The following SPAG9 variants were observed in gnomAD, a reference collection of about 807,000 sequenced individuals.
SPAG9 encodes the protein C-Jun-amino-terminal kinase-interacting protein 4.
Under a neutral mutation model 166.5 loss-of-function variants are expected in SPAG9, and 35 were observed. The observed-to-expected ratio is 0.21, with a 90% CI of 0.16 to 0.28. The LOEUF (loss-of-function observed/expected upper bound fraction) is 0.28. Ranked by LOEUF, SPAG9 falls within the 10% of genes least tolerant of loss-of-function variation. The pLI, the probability that SPAG9 is intolerant of heterozygous loss-of-function variation, is 1.00. For missense variants in SPAG9, 1,235 were observed against 1,603.3 expected (o/e 0.77, Z 3.92); for synonymous variants, 534 against 565.5 (o/e 0.94, Z 0.79).
At position 50,984,643 on chromosome 17, in the gene SPAG9, G is replaced by A. The variant is rs545205484; in HGVS notation, c.3088+280C>T. On this transcript the variant is annotated intron_variant, in intron 24 of 29. Transcript: ENST00000262013. ...GGAGCTTGCAGTGAGCTGAGATTGC[G>A]CCACTGCACTCCAGCCTGGGCGACA... 2.2e-4 allele frequency among the ~76,000 whole-genome samples: 33 copies of A among 152,170 alleles called. No homozygotes were observed. In the East Asian group the frequency reaches 2.5e-3, roughly 12 times the overall value.
rs148739952 is a variant in SPAG9 at position 50,978,178 on chromosome 17, C to A, written c.3410-957G>T. 4.0e-3 allele frequency among the ~76,000 whole-genome samples: 604 copies of A among 152,242 alleles called. 4 individuals are homozygous for A. The highest frequency in any genetic ancestry group is 0.013 in the African/African-American group (560 of 41,546). On this transcript the variant is annotated intron_variant, in intron 26 of 29. Coordinates refer to ENST00000262013, the MANE Select transcript of SPAG9 (RefSeq NM_001130528.3). ...GAGCAGGTAATACATTTAAGAAAGA[C>A]AACACTAGTACTCATAAGTTCTACT... is the stretch of plus-strand genomic sequence containing the variant.
At chr17:51,025,316 CAAAAAAAAAA>C (rs10549685) in intron 6 of SPAG9, among the ~76,000 whole-genome samples, 46 of 61,124 alleles carry the variant, frequency 7.5e-4, no homozygotes, top group Middle Eastern at 0.014. Context: ...GACTCTGTCT[CAAAAAAAAAA>C]AAAAAAAAAA....
At chr17:51,115,848 G>GAAAAGAAAAGA (rs61323552) in intron 1 of SPAG9, among the ~76,000 whole-genome samples, 1 of 151,490 alleles carries the variant, frequency 6.6e-6, no homozygotes, top group Non-Finnish European at 1.5e-5. Flanking sequence ...GAAAAGAAAA[G>GAAAAGAAAAGA]AAAAGAAAAG....
At chr17:51,115,291 T>C (rs1046617386) in intron 1 of SPAG9, among the ~76,000 whole-genome samples, 7 of 152,070 alleles carry the variant, frequency 4.6e-5, no homozygotes. Context: ...TGGGCTTAAG[T>C]GATCCTCCTG....
chr17:51,110,862 G>C (rs895679700), intron 1 of SPAG9, among the ~76,000 whole-genome samples: 2 of 152,042 alleles, frequency 1.3e-5, no homozygotes, highest in Admixed American at 6.6e-5. Flanking sequence ...GCTCATGCCT[G>C]TAATCCCACC....
At chr17:50,990,907 CTTTTT>C (rs893608311) in intron 19 of SPAG9, among the ~76,000 whole-genome samples, 3 of 136,928 alleles carry the variant, frequency 2.2e-5, no homozygotes, top group African/African-American at 5.4e-5. Flanking sequence ...AGAAAATAAA[CTTTTT>C]TTTTTTTTTT....
intron 1 of SPAG9, among the ~76,000 whole-genome samples, chr17:51,090,692 CA>C (rs1165991382): frequency 1.3e-5 from 2 of 152,062 alleles, no homozygotes; most frequent in African/African-American, 2.4e-5. Flanking sequence ...GATCGATTTA[CA>C]AAAGATCTTG....
At chr17:51,062,492 C>T (rs2047544001) in intron 2 of SPAG9, among the ~76,000 whole-genome samples, 2 of 152,176 alleles carry the variant, frequency 1.3e-5, no homozygotes, top group Admixed American at 1.3e-4. Context: ...CATAGTTTTG[C>T]CTTTTCCAGA....
At chr17:51,037,570 A>G (rs931377985) in intron 5 of SPAG9, among the ~76,000 whole-genome samples, 72 of 149,822 alleles carry the variant, frequency 4.8e-4, no homozygotes, top group African/African-American at 1.6e-3. Flanking sequence ...CCGAGATTGC[A>G]CCATTGCACT....
chr17:50,977,805 G>C (rs1440790609), intron 26 of SPAG9, among the ~76,000 whole-genome samples: 1 of 152,104 alleles, frequency 6.6e-6, no homozygotes, highest in East Asian at 1.9e-4. Context: ...GGTCACTTGA[G>C]CGCAGGAGTT....
Position 51,009,459 on chromosome 17 carries a change from C to G in SPAG9, c.1214-2133G>C, listed in dbSNP as rs565383008. Among the ~76,000 whole-genome samples the G allele has an allele frequency of 1.8e-4, 27 of 152,260 alleles. No individual in the cohort carries two copies. In the East Asian group the frequency reaches 4.6e-3, roughly 26 times the overall value. The stretch of plus-strand genomic sequence containing the variant: ...CATTTTTGAAAAGGTACAAAGTCCT[C>G]AGTGGGCTTAGAAAATTCACCGTAT... On this transcript the variant is annotated intron_variant, in intron 9 of 29. Transcript: ENST00000262013.
rs529756715 is a variant in SPAG9 at position 51,017,208 on chromosome 17, T to G, written c.1092-2855A>C. 1.7e-3 allele frequency among the ~76,000 whole-genome samples: 262 copies of G among 152,310 alleles called. 1 individual carries two copies. Among genetic ancestry groups the G allele is most frequent in the Non-Finnish European group, 3.2e-3 (215 of 68,034 alleles). ...CATTCTCCCAAGGTAAGTACATACC[T>G]AGAATCCTATTCTAGACGCACAGGA... is the stretch of plus-strand genomic sequence containing the variant. On this transcript the variant is annotated intron_variant, in intron 8 of 29. Coordinates refer to ENST00000262013, the MANE Select transcript of SPAG9 (RefSeq NM_001130528.3).
intron 1 of SPAG9, among the ~76,000 whole-genome samples, chr17:51,108,166 C>T (rs1419896931): frequency 6.6e-6 from 1 of 151,482 alleles, no homozygotes; most frequent in African/African-American, 2.4e-5. Context: ...GCAGGCAGGT[C>T]ACCTGAGGTT....
intron 1 of SPAG9, among the ~76,000 whole-genome samples, chr17:51,095,983 A>AG (rs1385703632): frequency 8.0e-6 from 1 of 124,426 alleles, no homozygotes; most frequent in East Asian, 2.1e-4. Context: ...TGATATATAT[A>AG]TATATAGTGA....
intron 20 of SPAG9, 101 bp from the exon 21 acceptor site, chr17:50,989,973 C>T: frequency 1.1e-6 from 1 of 930,836 alleles, no homozygotes; most frequent in Non-Finnish European, 1.7e-6. Context: ...TCTACCCACT[C>T]CTTCACACTG....
intron 10 of SPAG9, among the ~76,000 whole-genome samples, chr17:51,007,006 G>C (rs2045249514): frequency 1.3e-5 from 2 of 152,128 alleles, no homozygotes; most frequent in Non-Finnish European, 2.9e-5. Context: ...TTAAGAAAAA[G>C]GCATGGATAC....
chr17:51,053,898 T>TATAA (rs1186528753), intron 3 of SPAG9, among the ~76,000 whole-genome samples: 51 of 100,156 alleles, frequency 5.1e-4, no homozygotes, highest in Non-Finnish European at 9.0e-4. Context: ...TATATATATA[T>TATAA]AAAACATATA....
At chr17:50,970,672 C>T in intron 29 of SPAG9, 35 bp downstream of exon 29, 3 of 1,590,602 alleles carry the variant, frequency 1.9e-6, no homozygotes, top group South Asian at 2.2e-5. Flanking sequence ...TCATAGCACA[C>T]AGTGCAAACT....
chr17:51,046,742 G>C (rs2047035502), intron 4 of SPAG9: 5 of 1,535,530 alleles, frequency 3.3e-6, no homozygotes, highest in South Asian at 1.2e-5. Flanking sequence ...GTGAGGATCT[G>C]TCATTCAGCT....
Sources: gnomAD v4.1 joint callset for allele counts (sites outside exome capture counted in the v4.1 genomes callset) on GRCh38, gnomAD v4.1.1 for gene constraint, MANE v1.5 for transcripts, NCBI Gene and HGNC (gene_info 2026-07-23, HGNC 2026-07-21) for gene names.